The following KCNB2 variants were observed in gnomAD, a reference collection of about 807,000 sequenced individuals.
KCNB2 encodes the protein delayed rectifier potassium channel protein.
A neutral mutation model predicts 61.5 loss-of-function variants in KCNB2; 15 were observed. The observed-to-expected ratio is 0.24, with a 90% CI of 0.16 to 0.38. The LOEUF is 0.38. Ranked by LOEUF, KCNB2 falls within the 10% of genes least tolerant of loss-of-function variation. The probability of loss-of-function intolerance (pLI) is 1.00; values close to 1 mark genes in which losing one functional copy is unlikely to be tolerated. For synonymous variants in KCNB2, 457 were observed against 446.0 expected (o/e 1.02, Z -0.31); for missense variants, 828 against 1,125.2 (o/e 0.74, Z 3.78).
intron 2 of KCNB2, among the ~76,000 whole-genome samples, chr8:72,749,724 T>TATAA (rs1554588887): frequency 6.8e-6 from 1 of 146,708 alleles, no homozygotes; most frequent in East Asian, 2.0e-4. Context: ...TATATATATA[T>TATAA]AATATAATAC....
intron 2 of KCNB2, among the ~76,000 whole-genome samples, chr8:72,576,374 C>T (rs191777111): frequency 2.0e-5 from 3 of 152,220 alleles, no homozygotes; most frequent in Non-Finnish European, 4.4e-5. Flanking sequence ...GTTTCTTTCT[C>T]CTCATTGTTA....
intron 2 of KCNB2, among the ~76,000 whole-genome samples, chr8:72,844,321 G>A (rs1809948038): frequency 6.6e-6 from 1 of 152,204 alleles, no homozygotes; most frequent in Non-Finnish European, 1.5e-5. Flanking sequence ...TTAGTCTGAT[G>A]GGTTTCCCTT....
chr8:72,670,331 A>C (rs773747112), intron 2 of KCNB2, among the ~76,000 whole-genome samples: 1 of 152,200 alleles, frequency 6.6e-6, no homozygotes, highest in Non-Finnish European at 1.5e-5. Context: ...CTTTGCTAGA[A>C]CCTGGACTTG....
chr8:72,729,189 T>C (rs533339423), intron 2 of KCNB2, among the ~76,000 whole-genome samples: 1 of 152,324 alleles, frequency 6.6e-6, no homozygotes, highest in African/African-American at 2.4e-5. Flanking sequence ...ACATGGCCCA[T>C]AGGAAGTGCT....
At position 72,568,131 on chromosome 8, in the gene KCNB2, T is replaced by C; in HGVS notation, c.397T>C (p.Leu133=). ...LDYWGIDEIY[L]ESCCQARYHQ... ...TTACTGGGGGATTGATGAGATCTAC[T>C]TGGAGTCCTGCTGCCAGGCCAGATA... The change falls in exon 2 of 3, where the codon TTG becomes CTG. Residue 133 remains leucine (L), a synonymous_variant. Transcript: ENST00000523207. 1.2e-6 allele frequency: 2 copies of C among 1,614,102 alleles called. No homozygotes were observed. The highest frequency in any genetic ancestry group is 8.5e-7 in the Non-Finnish European group (1 of 1,180,026).
intron 2 of KCNB2, among the ~76,000 whole-genome samples, chr8:72,792,647 G>A (rs1446846516): frequency 6.6e-6 from 1 of 152,108 alleles, no homozygotes; most frequent in African/African-American, 2.4e-5. Flanking sequence ...ATCCTGTGGT[G>A]GAATCCAGGC....
At chr8:72,561,691 T>TTTTATATATATA (rs1554576093) in intron 1 of KCNB2, among the ~76,000 whole-genome samples, 3 of 19,404 alleles carry the variant, frequency 1.5e-4, no homozygotes, top group South Asian at 1.4e-3. Flanking sequence ...GATCTTACTT[T>TTTTATATATATA]TATATATATA....
intron 2 of KCNB2, among the ~76,000 whole-genome samples, chr8:72,909,615 A>G (rs1311704625): frequency 6.6e-6 from 1 of 152,122 alleles, no homozygotes; most frequent in Non-Finnish European, 1.5e-5. Flanking sequence ...GGAGCAAGAA[A>G]TGGGAGGAAA....
intron 2 of KCNB2, among the ~76,000 whole-genome samples, chr8:72,584,508 T>G (rs1806966224): frequency 6.6e-6 from 1 of 152,188 alleles, no homozygotes; most frequent in African/African-American, 2.4e-5. Flanking sequence ...TCTTACCTTT[T>G]ACTACTTCCG....
chr8:72,794,564 C>CA (rs397892520), intron 2 of KCNB2, among the ~76,000 whole-genome samples: 5,973 of 55,434 alleles, frequency 0.11, 322 homozygotes, highest in Non-Finnish European at 0.14. Flanking sequence ...GACTCCATCT[C>CA]AAAAAAAAAA....
intron 2 of KCNB2, among the ~76,000 whole-genome samples, chr8:72,714,519 GAAA>G (rs1340295242): frequency 2.9e-4 from 30 of 103,218 alleles, no homozygotes; most frequent in African/African-American, 1.7e-3. Flanking sequence ...CATTCTTAAA[GAAA>G]AGAATTTTCA....
chr8:72,823,304 T>C (rs1007018621), intron 2 of KCNB2, among the ~76,000 whole-genome samples: 2 of 152,116 alleles, frequency 1.3e-5, no homozygotes, highest in South Asian at 4.2e-4. Flanking sequence ...TTTTTCACAG[T>C]GTCAGCTGCA....
intron 2 of KCNB2, among the ~76,000 whole-genome samples, chr8:72,793,047 G>A (rs921000038): frequency 2.0e-5 from 3 of 152,136 alleles, no homozygotes; most frequent in African/African-American, 7.2e-5. Context: ...AAATGTTCTT[G>A]TTTGTTAAGC....
At chr8:72,829,983 CA>C (rs11351226) in intron 2 of KCNB2, among the ~76,000 whole-genome samples, 47,474 of 120,198 alleles carry the variant, frequency 0.39, 7,745 homozygotes, top group Middle Eastern at 0.47. Context: ...GCTGCTGCTT[CA>C]AAAAAAAAAA....
chr8:72,735,288 T>A (rs962829510), intron 2 of KCNB2, among the ~76,000 whole-genome samples: 2 of 152,184 alleles, frequency 1.3e-5, no homozygotes, highest in African/African-American at 4.8e-5. Context: ...TTGCTATAGA[T>A]AAGTATTGAG....
At chr8:72,666,132 A>G (rs1806468040) in intron 2 of KCNB2, among the ~76,000 whole-genome samples, 1 of 152,254 alleles carries the variant, frequency 6.6e-6, no homozygotes, top group African/African-American at 2.4e-5. Flanking sequence ...GAACTTTTCA[A>G]ATTGCTTTAT....
At chr8:72,729,375 T>C (rs1239213326) in intron 2 of KCNB2, among the ~76,000 whole-genome samples, 2 of 152,248 alleles carry the variant, frequency 1.3e-5, no homozygotes, top group East Asian at 3.8e-4. Context: ...GGTTAAAAAC[T>C]GACTCTTAAA....
chr8:72,849,838 C>T (rs4376533), intron 2 of KCNB2, among the ~76,000 whole-genome samples: 129,777 of 152,124 alleles, frequency 0.85, 56,316 homozygotes, highest in Middle Eastern at 0.97. Flanking sequence ...GTCTGGAATC[C>T]TTCTAAGACT....
Position 72,936,434 on chromosome 8 carries a change from A to G in KCNB2, c.1079A>G (p.Glu360Gly), listed in dbSNP as rs1806905182. Residue 360 changes from glutamate to glycine, a missense_variant, in exon 3 of 3, where the codon GAA becomes GGA. Physicochemically the swap from Glu to Gly is moderately conservative, Grantham distance 98. Coordinates refer to ENST00000523207, the MANE Select transcript of KCNB2 (RefSeq NM_004770.3). The surrounding 1 kb of genome is among the most constrained non-coding windows in gnomAD (Gnocchi z 5.6). ...SSLVFFAEKDEDATKFTSIPA... is the reference protein window; with the variant it reads ...SSLVFFAEKDGDATKFTSIPA... ...CTGGTATTTTTTGCTGAGAAGGATGAAGATGCTACCAAGTTCACCAGTATC... is the reference window on the plus strand; with the variant it reads ...CTGGTATTTTTTGCTGAGAAGGATGGAGATGCTACCAAGTTCACCAGTATC... 1 of 1,614,068 alleles carries G rather than the reference A, an allele frequency of 6.2e-7. No homozygotes were observed. Among genetic ancestry groups the G allele is most frequent in the Non-Finnish European group, 8.5e-7 (1 of 1,180,024 alleles).
Sources: gnomAD v4.1 joint callset for allele counts (sites outside exome capture counted in the v4.1 genomes callset) on GRCh38, gnomAD v4.1.1 for gene constraint, Gnocchi (gnomAD v3.1) non-coding constraint, MANE v1.5 for transcripts, NCBI Gene and HGNC (gene_info 2026-07-23, HGNC 2026-07-21) for gene names.